FAM118B: variants seen among roughly 807,000 people sequenced by gnomAD.
FAM118B encodes the protein SIR2 antiphage like 1, also known as protein FAM118B.
In FAM118B, 24 loss-of-function variants were observed where a neutral mutation model predicts 38.5. The observed-to-expected ratio is 0.62, with a 90% CI of 0.45 to 0.88. FAM118B has a LOEUF of 0.88. Among genes scored for constraint, FAM118B ranks in the 40% least tolerant of loss-of-function variants. The pLI, the probability that FAM118B is intolerant of heterozygous loss-of-function variation, is 0.00. For missense variants in FAM118B, 334 were observed against 420.0 expected (o/e 0.80, Z 1.79); for synonymous variants, 138 against 156.3 (o/e 0.88, Z 0.87).
rs757115359 is a variant in FAM118B, at chr11:126,255,222, G to A, written c.696+789G>A. On this transcript the variant is annotated intron_variant, in intron 6 of 8. Transcript: ENST00000533050. The surrounding 1 kb of genome is among the most constrained non-coding windows in gnomAD (Gnocchi z 4.6). The stretch of plus-strand genomic sequence containing the variant: ...TTGATCTTTTGGGATGCACATTTTC[G>A]ACTTGTTCAGATAAACATGTTCAAA... Among the ~76,000 whole-genome samples, 20 of 152,044 alleles carry A rather than the reference G, an allele frequency of 1.3e-4. No individual in the cohort carries two copies. The highest frequency in any genetic ancestry group is 2.5e-4 in the Non-Finnish European group (17 of 67,990).
chr11:126,235,582 G>A (rs904510690), intron 3 of FAM118B, among the ~76,000 whole-genome samples: 1 of 151,892 alleles, frequency 6.6e-6, no homozygotes, highest in Non-Finnish European at 1.5e-5. Context: ...TCAGTGGCAC[G>A]ATCTTGGCTC....
chr11:126,233,401 G>A (rs890991476), intron 2 of FAM118B, among the ~76,000 whole-genome samples: 12 of 152,180 alleles, frequency 7.9e-5, no homozygotes, highest in African/African-American at 2.4e-4. Context: ...CTTGAAGGGA[G>A]CAACTGCCAG....
At chr11:126,237,856 CAAAA>C (rs1279296349) in intron 3 of FAM118B, among the ~76,000 whole-genome samples, 2 of 60,016 alleles carry the variant, frequency 3.3e-5, no homozygotes, top group African/African-American at 6.6e-5. Context: ...ACTCCGTCTC[CAAAA>C]AAAAAAAAAA....
In FAM118B at chr11:126,250,245, C is replaced by T. The variant is rs1440109798; in HGVS notation, c.340-261C>T. Among the ~76,000 whole-genome samples the T allele has an allele frequency of 2.0e-5, 3 of 152,074 alleles. No individual in the cohort carries two copies. The highest frequency in any genetic ancestry group is 4.4e-5 in the Non-Finnish European group (3 of 68,016). Reference sequence around the variant, plus strand: ...TAGCTGGGACTACAGGCGCCTGTCACCACGCCCTGCTAATTTTTTTTATTT... The same window carrying T: ...TAGCTGGGACTACAGGCGCCTGTCATCACGCCCTGCTAATTTTTTTTATTT... On this transcript the variant is annotated intron_variant, in intron 4 of 8. Coordinates refer to ENST00000533050, the MANE Select transcript of FAM118B (RefSeq NM_024556.4). This position sits in a 1 kb window ranked among gnomAD's most constrained non-coding sequence, Gnocchi z 5.1.
chr11:126,214,520 T>TTTTTTTTTTTTTTG (rs1565322499), intron 1 of FAM118B: 1 of 131,904 alleles, frequency 7.6e-6, no homozygotes, highest in African/African-American at 2.8e-5. Flanking sequence ...TTTTGTTTTT[T>TTTTTTTTTTTTTTG]TTTTTTTACC....
intron 1 of FAM118B, among the ~76,000 whole-genome samples, chr11:126,224,206 C>T (rs1261784956): frequency 6.6e-6 from 1 of 152,142 alleles, no homozygotes; most frequent in African/African-American, 2.4e-5. Context: ...GGTCCAGTGA[C>T]TCTCGCCTTT....
Position 126,256,778 on chromosome 11 carries a change from ATGGAGATGAC to A in FAM118B, c.910_919del (p.Gly304MetfsTer11). 6.2e-7 allele frequency: 1 copy of A among 1,611,468 alleles called. No individual in the cohort carries two copies. Among genetic ancestry groups the A allele is most frequent in the Non-Finnish European group, 8.5e-7 (1 of 1,177,528 alleles). On this transcript the variant is annotated frameshift_variant, in exon 7 of 9. Coordinates refer to ENST00000533050, the MANE Select transcript of FAM118B (RefSeq NM_024556.4). LOFTEE classifies it high-confidence loss of function. This position sits in a 1 kb window ranked among gnomAD's most constrained non-coding sequence, Gnocchi z 6.6. Reference sequence around the variant, plus strand: ...GACAAGGGGATTAAAGTCATCTCCTATGGAGATGACTATGCCGATCTTCCAGAATATTTCA... The same window carrying A: ...GACAAGGGGATTAAAGTCATCTCCTATATGCCGATCTTCCAGAATATTTCA...
Position 126,256,730 on chromosome 11 carries a change from A to G in FAM118B, c.860A>G (p.Lys287Arg). Residue 287 changes from lysine to arginine, a missense_variant, in exon 7 of 9, where the codon AAA (lysine) becomes AGA (arginine). Coordinates refer to ENST00000533050, the MANE Select transcript of FAM118B (RefSeq NM_024556.4). This position sits in a 1 kb window ranked among gnomAD's most constrained non-coding sequence, Gnocchi z 6.6. ...LVRRGDVDEF[K>R]KLRENMLDKG... ...CGGAGAGGAGACGTAGATGAGTTCA[A>G]AAAGCTTCGAGAAAACATGCTGGAC... 5 of 1,614,214 alleles carry G rather than the reference A, an allele frequency of 3.1e-6. No individual in the cohort carries two copies. Among genetic ancestry groups the G allele is most frequent in the East Asian group, 2.2e-5 (1 of 44,890 alleles).
At chr11:126,238,972 C>CTTT (rs533350695) in intron 3 of FAM118B, among the ~76,000 whole-genome samples, 12 of 129,874 alleles carry the variant, frequency 9.2e-5, no homozygotes, top group Non-Finnish European at 1.5e-4. Context: ...AAGTGGAAGT[C>CTTT]TTTTTTTTTT....
At chr11:126,215,877 C>T (rs1949972024) in intron 1 of FAM118B, among the ~76,000 whole-genome samples, 1 of 151,718 alleles carries the variant, frequency 6.6e-6, no homozygotes, top group East Asian at 1.9e-4. Flanking sequence ...GGCATGGTGA[C>T]GCACCTATGG....
At chr11:126,243,107 A>T (rs1279514144) in intron 4 of FAM118B, among the ~76,000 whole-genome samples, 2 of 152,226 alleles carry the variant, frequency 1.3e-5, no homozygotes, top group Non-Finnish European at 2.9e-5. Flanking sequence ...ACACAAAAGG[A>T]CATATATTGT....
intron 1 of FAM118B, among the ~76,000 whole-genome samples, chr11:126,225,852 C>T (rs10893488): frequency 0.18 from 27,446 of 151,900 alleles, 2,741 homozygotes; most frequent in Middle Eastern, 0.29. Flanking sequence ...TGGTGGTGGG[C>T]GCTTATAATC....
chr11:126,243,331 G>T (rs146561107), intron 4 of FAM118B, among the ~76,000 whole-genome samples: 16 of 152,106 alleles, frequency 1.1e-4, no homozygotes, highest in Non-Finnish European at 1.8e-4. Flanking sequence ...AAACACAGTG[G>T]TTCAGGCCTG....
At chr11:126,261,160 G>A in intron 7 of FAM118B, 2 of 443,602 alleles carry the variant, frequency 4.5e-6, no homozygotes, top group Non-Finnish European at 8.2e-6. Flanking sequence ...TATGTGAAAT[G>A]TAAAATGTAA....
intron 2 of FAM118B, among the ~76,000 whole-genome samples, chr11:126,232,348 T>C (rs1591510091): frequency 6.6e-6 from 1 of 152,312 alleles, no homozygotes; most frequent in South Asian, 2.1e-4. Context: ...TTTCTGTGCC[T>C]CAGTTTTCTC....
chr11:126,220,941 C>T (rs1186033089), intron 1 of FAM118B, among the ~76,000 whole-genome samples: 1 of 152,056 alleles, frequency 6.6e-6, no homozygotes, highest in African/African-American at 2.4e-5. Context: ...AATCCCACCA[C>T]TTTGAGAGGC....
intron 6 of FAM118B, 87 bp downstream of exon 6, chr11:126,254,520 T>G: frequency 6.5e-7 from 1 of 1,537,644 alleles, no homozygotes; most frequent in Non-Finnish European, 8.9e-7. Context: ...GGGAACATCT[T>G]CTTTTCATTA....
At chr11:126,214,527 T>TTTTTTTTTTTTA (rs1949954178) in intron 1 of FAM118B, 1 of 123,370 alleles carries the variant, frequency 8.1e-6, no homozygotes, top group African/African-American at 2.9e-5. Context: ...TTTTTTTTTT[T>TTTTTTTTTTTTA]ACCTCTATAT....
chr11:126,212,786 C>T (rs1949903930), intron 1 of FAM118B, among the ~76,000 whole-genome samples: 1 of 152,210 alleles, frequency 6.6e-6, no homozygotes, highest in East Asian at 1.9e-4. Flanking sequence ...CAAAGTTGAT[C>T]AGGTGGAGCT....
Sources: allele counts gnomAD v4.1 joint callset (sites outside exome capture counted in the v4.1 genomes callset), GRCh38; gene constraint gnomAD v4.1.1; non-coding constraint Gnocchi (gnomAD v3.1); transcripts MANE v1.5; gene names NCBI Gene and HGNC (gene_info 2026-07-23, HGNC 2026-07-21).